The following RELN variants were observed in gnomAD, a reference collection of about 807,000 sequenced individuals.
RELN encodes reelin.
Under a neutral mutation model 427.6 loss-of-function variants are expected in RELN, and 108 were observed. The ratio of observed to expected loss-of-function variants is 0.25; its 90% CI spans 0.22 to 0.30. The LOEUF (loss-of-function observed/expected upper bound fraction) is 0.30. RELN is among the 10% of genes least tolerant of loss of function. The probability of loss-of-function intolerance (pLI) is 1.00; values close to 1 mark genes in which losing one functional copy is unlikely to be tolerated. For synonymous variants in RELN, 1,524 were observed against 1,513.4 expected (o/e 1.01, Z -0.16); for missense variants, 3,715 against 4,302.8 (o/e 0.86, Z 3.82).
chr7:103,518,095 G>A (rs60546391), intron 49 of RELN, among the ~76,000 whole-genome samples: 8,979 of 152,100 alleles, frequency 0.059, 384 homozygotes, highest in East Asian at 0.17. Flanking sequence ...AGGAACCTGG[G>A]TCACTGGTGC....
At chr7:103,727,471 C>T (rs1584439856) in intron 7 of RELN, among the ~76,000 whole-genome samples, 1 of 152,130 alleles carries the variant, frequency 6.6e-6, no homozygotes, top group African/African-American at 2.4e-5. Context: ...AAAAAAGGCT[C>T]ATTAGCCACA....
At chr7:103,819,197 A>G (rs1331386588) in intron 3 of RELN, among the ~76,000 whole-genome samples, 1 of 152,150 alleles carries the variant, frequency 6.6e-6, no homozygotes, top group Non-Finnish European at 1.5e-5. Flanking sequence ...TCATTTTAAA[A>G]TAAGTTTTAC....
At chr7:103,912,035 AAGAT>A (rs1200235415) in intron 2 of RELN, among the ~76,000 whole-genome samples, 1 of 152,196 alleles carries the variant, frequency 6.6e-6, no homozygotes, top group Non-Finnish European at 1.5e-5. Flanking sequence ...CTATATTTTA[AAGAT>A]AGTGTTGAAA....
At chr7:103,851,528 A>T (rs1793821411) in intron 2 of RELN, among the ~76,000 whole-genome samples, 1 of 152,218 alleles carries the variant, frequency 6.6e-6, no homozygotes, top group Non-Finnish European at 1.5e-5. Context: ...TTTACGTTAT[A>T]TGCAAGCAAG....
chr7:103,723,290 GGA>G, intron 7 of RELN, 99 bp from the exon 8 acceptor site: 1 of 729,120 alleles, frequency 1.4e-6, no homozygotes, highest in South Asian at 1.5e-5. Flanking sequence ...TTAAAAAAGA[GGA>G]GAGAGGAAAT....
intron 17 of RELN, among the ~76,000 whole-genome samples, chr7:103,637,879 G>C (rs1007686880): frequency 3.3e-5 from 5 of 152,124 alleles, no homozygotes; most frequent in Non-Finnish European, 2.9e-5. Context: ...GTGCATTTTA[G>C]GGCAATTACA....
At chr7:103,894,668 C>T (rs971952664) in intron 2 of RELN, among the ~76,000 whole-genome samples, 1 of 152,110 alleles carries the variant, frequency 6.6e-6, no homozygotes, top group Non-Finnish European at 1.5e-5. Context: ...TTCGTGCACT[C>T]AAGTCCTAAC....
chr7:103,611,936 G>A (rs1831969115), intron 20 of RELN, 133 bp from the exon 21 acceptor site: 1 of 736,898 alleles, frequency 1.4e-6, no homozygotes, highest in Non-Finnish European at 2.3e-6. Flanking sequence ...TTCTAGAATG[G>A]ATTTCGGTCA....
At chr7:103,732,620 C>T (rs915707797) in intron 6 of RELN, among the ~76,000 whole-genome samples, 2 of 151,982 alleles carry the variant, frequency 1.3e-5, no homozygotes, top group African/African-American at 4.8e-5. Flanking sequence ...ATGTGAAAGA[C>T]GAGATGAATT....
intron 8 of RELN, among the ~76,000 whole-genome samples, chr7:103,711,096 AGAT>A (rs903674132): frequency 1.3e-5 from 2 of 152,184 alleles, no homozygotes; most frequent in African/African-American, 4.8e-5. Flanking sequence ...ACAGCCAAAA[AGAT>A]ATAAGGAAAA....
At position 103,825,622 on chromosome 7, in the gene RELN, G is replaced by A. The variant is rs529599838; in HGVS notation, c.473+7915C>T. ...TTCTGTAAATGTCACGGTAATATTT[G>A]GGGAAATGATAACAGATTATCGAAT... On this transcript the variant is annotated intron_variant, in intron 3 of 64. Transcript: ENST00000428762. Among the ~76,000 whole-genome samples, 34 of 152,080 alleles carry A rather than the reference G, an allele frequency of 2.2e-4. No homozygotes were observed. The East Asian group carries it at 6.2e-3, about 28-fold the overall frequency.
At chr7:103,630,289 T>A (rs926971426) in intron 19 of RELN, 113 bp from the exon 20 acceptor site, 3 of 756,570 alleles carry the variant, frequency 4.0e-6, no homozygotes, top group East Asian at 2.6e-5. Flanking sequence ...AGTTCTCCCA[T>A]GATTATAAAC....
At chr7:103,816,458 A>G (rs1381786850) in intron 3 of RELN, among the ~76,000 whole-genome samples, 4 of 152,060 alleles carry the variant, frequency 2.6e-5, no homozygotes, top group African/African-American at 9.7e-5. Context: ...GAAAAAATCA[A>G]TATGCACACA....
intron 46 of RELN, among the ~76,000 whole-genome samples, chr7:103,534,811 T>G (rs1830014327): frequency 6.6e-6 from 1 of 152,188 alleles, no homozygotes; most frequent in Non-Finnish European, 1.5e-5. Flanking sequence ...CATAAAATAA[T>G]GCTTCAGGTG....
In RELN at chr7:103,563,200, G is replaced by T. The variant is rs889472876; in HGVS notation, c.5211-1247C>A. 1.3e-5 allele frequency among the ~76,000 whole-genome samples: 2 copies of T among 152,140 alleles called. No individual in the cohort carries two copies. The highest frequency in any genetic ancestry group is 4.8e-5 in the African/African-American group (2 of 41,422). ...AGCATAAACAGCTGCTTAGAGGTTTGTTATCCTAAATACAGTGATGTGCTG... is the reference window on the plus strand; with the variant it reads ...AGCATAAACAGCTGCTTAGAGGTTTTTTATCCTAAATACAGTGATGTGCTG... On this transcript the variant is annotated intron_variant, in intron 34 of 64. Transcript: ENST00000428762. This position sits in a 1 kb window ranked among gnomAD's most constrained non-coding sequence, Gnocchi z 4.1.
chr7:103,639,905 A>G (rs574112809), intron 17 of RELN, among the ~76,000 whole-genome samples: 20 of 152,344 alleles, frequency 1.3e-4, no homozygotes, highest in African/African-American at 4.3e-4. Flanking sequence ...TAATGTAAGA[A>G]TGACATAATA....
chr7:103,489,526 C>G (rs907938881), intron 60 of RELN, among the ~76,000 whole-genome samples: 1 of 152,036 alleles, frequency 6.6e-6, no homozygotes, highest in Admixed American at 6.5e-5. Flanking sequence ...GAGTAGATTT[C>G]ATTTCTATAT....
chr7:103,846,625 T>A (rs986192462), intron 2 of RELN, among the ~76,000 whole-genome samples: 5 of 152,166 alleles, frequency 3.3e-5, no homozygotes, highest in Non-Finnish European at 7.3e-5. Flanking sequence ...GAAACTATCA[T>A]CAGAGTGAAC....
chr7:103,728,423 G>T (rs985692278), intron 6 of RELN, among the ~76,000 whole-genome samples: 1 of 152,080 alleles, frequency 6.6e-6, no homozygotes, highest in Non-Finnish European at 1.5e-5. Context: ...ACAGTGGTGG[G>T]TAAGTTACTT....
Sources: allele counts gnomAD v4.1 joint callset (sites outside exome capture counted in the v4.1 genomes callset), GRCh38; gene constraint gnomAD v4.1.1; non-coding constraint Gnocchi (gnomAD v3.1); transcripts MANE v1.5; gene names NCBI Gene and HGNC (gene_info 2026-07-23, HGNC 2026-07-21).